The following PRKCE variants were observed in gnomAD, a reference collection of about 807,000 sequenced individuals.
PRKCE encodes protein kinase C epsilon, also known as protein kinase C epsilon type.
Under a neutral mutation model 85.4 loss-of-function variants are expected in PRKCE, and 16 were observed. The ratio of observed to expected loss-of-function variants is 0.19; its 90% CI spans 0.13 to 0.28. PRKCE has a LOEUF of 0.28. Ranked by LOEUF, PRKCE falls within the 10% of genes least tolerant of loss-of-function variation. The pLI, the probability that PRKCE is intolerant of heterozygous loss-of-function variation, is 1.00. For synonymous variants in PRKCE, 388 were observed against 371.5 expected (o/e 1.04, Z -0.51); for missense variants, 573 against 975.2 (o/e 0.59, Z 5.49).
intron 2 of PRKCE, among the ~76,000 whole-genome samples, chr2:45,949,921 C>A (rs917299112): frequency 1.3e-5 from 2 of 150,364 alleles, no homozygotes; most frequent in African/African-American, 4.9e-5. Flanking sequence ...TCCAAATATT[C>A]TTTATTCTTA....
chr2:45,852,858 C>G (rs1692383199), intron 2 of PRKCE, among the ~76,000 whole-genome samples: 1 of 152,128 alleles, frequency 6.6e-6, no homozygotes, highest in South Asian at 2.1e-4. Context: ...TGTGAATTGC[C>G]TGGAAAACCT....
intron 2 of PRKCE, among the ~76,000 whole-genome samples, chr2:45,888,604 C>T (rs757231534): frequency 1.8e-4 from 28 of 151,796 alleles, no homozygotes; most frequent in Non-Finnish European, 3.5e-4. Context: ...GTGCCTGCCA[C>T]CATGCCTAGC....
chr2:45,977,512 C>T (rs906691113), intron 3 of PRKCE, among the ~76,000 whole-genome samples: 1 of 152,114 alleles, frequency 6.6e-6, no homozygotes. Flanking sequence ...TGGTGTGCGC[C>T]TGTAATCCCA....
At chr2:46,101,808 C>T (rs972744686) in intron 11 of PRKCE, among the ~76,000 whole-genome samples, 3 of 142,662 alleles carry the variant, frequency 2.1e-5, no homozygotes, top group Non-Finnish European at 4.5e-5. Context: ...CAGACAGAAC[C>T]ATAAGTTGGG....
At chr2:45,799,180 A>G (rs1206543377) in intron 1 of PRKCE, among the ~76,000 whole-genome samples, 2 of 151,100 alleles carry the variant, frequency 1.3e-5, no homozygotes, top group Non-Finnish European at 2.9e-5. Flanking sequence ...AAAAAAAAAG[A>G]AAAAAGTGAG....
intron 1 of PRKCE, among the ~76,000 whole-genome samples, chr2:45,734,859 G>C (rs1681915214): frequency 6.6e-6 from 1 of 152,184 alleles, no homozygotes; most frequent in African/African-American, 2.4e-5. Context: ...ACTGGTTTAT[G>C]GGAAAGGTCT....
intron 2 of PRKCE, among the ~76,000 whole-genome samples, chr2:45,896,215 A>G (rs1696129815): frequency 6.6e-6 from 1 of 152,102 alleles, no homozygotes; most frequent in Non-Finnish European, 1.5e-5. Flanking sequence ...TAAGGGAAGA[A>G]ATTTGAAAGG....
chr2:45,713,982 A>G (rs1016101204), intron 1 of PRKCE, among the ~76,000 whole-genome samples: 1 of 152,240 alleles, frequency 6.6e-6, no homozygotes, highest in African/African-American at 2.4e-5. Flanking sequence ...AGGGAAGGGC[A>G]TTGACATAAA....
At chr2:46,072,462 C>T (rs1317886881) in intron 10 of PRKCE, among the ~76,000 whole-genome samples, 1 of 152,210 alleles carries the variant, frequency 6.6e-6, no homozygotes, top group Non-Finnish European at 1.5e-5. Context: ...GGCAGCCATG[C>T]ATATGAATCC....
intron 10 of PRKCE, among the ~76,000 whole-genome samples, chr2:46,082,397 G>T (rs960073255): frequency 7.9e-4 from 120 of 152,290 alleles, no homozygotes; most frequent in Non-Finnish European, 2.6e-4. Context: ...GGTATTAAAT[G>T]ACTAAGGTTT....
intron 1 of PRKCE, among the ~76,000 whole-genome samples, chr2:45,690,941 G>A (rs1452192977): frequency 1.3e-5 from 2 of 152,218 alleles, no homozygotes; most frequent in African/African-American, 4.8e-5. Context: ...CAAAGTCAGG[G>A]CACTGCAAAT....
In PRKCE at chr2:45,681,288, C is replaced by CAAAA. The variant is rs10532828; in HGVS notation, c.348+28867_348+28870dup. 8.6e-3 allele frequency among the ~76,000 whole-genome samples: 534 copies of CAAAA among 61,790 alleles called. 32 individuals are homozygous for CAAAA. Among genetic ancestry groups the CAAAA allele is most frequent in the East Asian group, 0.036 (53 of 1,454 alleles). 40.5% of individuals were successfully genotyped at this position (61,790 alleles called of 152,430 possible). A position where few individuals can be genotyped will look rare whatever the true frequency, so the allele number is the denominator to read the frequency against. On this transcript the variant is annotated intron_variant, in intron 1 of 14. Coordinates refer to ENST00000306156, the MANE Select transcript of PRKCE (RefSeq NM_005400.3). ...TGGGAGACAGAGCAAGACTCTGTCT[C>CAAAA]AAAAAAAAAAAAAAAAAAAAAAAAA...
In PRKCE at chr2:46,010,375, A is replaced by T. The variant is rs781647297; in HGVS notation, c.1295A>T (p.Glu432Val). Residue 432 changes from glutamate to valine, a missense_variant, in exon 10 of 15, where the codon GAA (glutamate) becomes GTA (valine). Physicochemically the swap from Glu to Val is moderately radical, Grantham distance 121. Around this residue, in one of 11 missense-constraint regions of PRKCE, gnomAD observed 89 missense variants for 154.1 expected, o/e 0.58. Transcript: ENST00000306156. Reference sequence around the variant, plus strand: ...TTGGCAGAACTCAAGGGCAAAGATGAAGTATATGCTGTGAAGGTCTTAAAG... The same window carrying T: ...TTGGCAGAACTCAAGGGCAAAGATGTAGTATATGCTGTGAAGGTCTTAAAG... ...VMLAELKGKD[E>V]VYAVKVLKKD... 4 of 1,597,486 alleles carry T rather than the reference A, an allele frequency of 2.5e-6. No individual in the cohort carries two copies. Among genetic ancestry groups the T allele is most frequent in the Non-Finnish European group, 3.4e-6 (4 of 1,178,440 alleles).
intron 1 of PRKCE, among the ~76,000 whole-genome samples, chr2:45,668,421 A>G (rs1316682138): frequency 6.6e-6 from 1 of 152,204 alleles, no homozygotes; most frequent in Non-Finnish European, 1.5e-5. Flanking sequence ...TTTGGGACTG[A>G]AGATATTGTC....
Position 45,810,288 on chromosome 2 carries a change from G to T in PRKCE, c.349-32712G>T, listed in dbSNP as rs531972341. Among the ~76,000 whole-genome samples the T allele has an allele frequency of 1.1e-3, 172 of 152,118 alleles. 1 individual carries two copies. Among genetic ancestry groups the T allele is most frequent in the African/African-American group, 4.0e-3 (167 of 41,536 alleles). ...ACTCCTGACCTCAGGTGATCCACCC[G>T]CCTCGGCCTCCCAAAGTGCTGGGAT... On this transcript the variant is annotated intron_variant, in intron 1 of 14. Transcript: ENST00000306156.
chr2:45,899,750 G>T (rs1404092425), intron 2 of PRKCE, among the ~76,000 whole-genome samples: 1 of 152,148 alleles, frequency 6.6e-6, no homozygotes, highest in Non-Finnish European at 1.5e-5. Flanking sequence ...GAAGTGGCTG[G>T]GCCTGTAGGT....
At chr2:45,847,933 G>A (rs1405159818) in intron 2 of PRKCE, among the ~76,000 whole-genome samples, 4 of 152,312 alleles carry the variant, frequency 2.6e-5, no homozygotes, top group East Asian at 1.9e-4. Context: ...TGTCTGTAAT[G>A]TGGATCCATG....
chr2:45,888,571 C>T (rs995114023), intron 2 of PRKCE, among the ~76,000 whole-genome samples: 1 of 150,104 alleles, frequency 6.7e-6, no homozygotes, highest in African/African-American at 2.5e-5. Context: ...CTGCCTCAGC[C>T]TCCCCAGTAG....
chr2:45,862,235 C>G (rs549543527), intron 2 of PRKCE, among the ~76,000 whole-genome samples: 4 of 149,080 alleles, frequency 2.7e-5, no homozygotes, highest in Non-Finnish European at 4.4e-5. Flanking sequence ...CACAGTATTT[C>G]AAATCTGTTA....
Sources: allele counts gnomAD v4.1 joint callset (sites outside exome capture counted in the v4.1 genomes callset), GRCh38; gene constraint gnomAD v4.1.1; regional missense constraint gnomAD v4.1.1; transcripts MANE v1.5; gene names NCBI Gene and HGNC (gene_info 2026-07-23, HGNC 2026-07-21).